The following GALNT2 variants were observed in gnomAD, a reference collection of about 807,000 sequenced individuals.
The protein encoded by GALNT2 is polypeptide N-acetylgalactosaminyltransferase 2.
Under a neutral mutation model 81.4 loss-of-function variants are expected in GALNT2, and 31 were observed. The ratio of observed to expected loss-of-function variants is 0.38; its 90% CI spans 0.29 to 0.51. GALNT2 has a LOEUF of 0.51. GALNT2 is among the 20% of genes least tolerant of loss of function. The pLI is 0.87. For missense variants in GALNT2, 629 were observed against 765.7 expected, an observed-to-expected ratio of 0.82 and a Z score of 2.11; for synonymous variants, 303 against 287.4, an observed-to-expected ratio of 1.05 and a Z score of -0.55.
intron 1 of GALNT2, among the ~76,000 whole-genome samples, chr1:230,079,466 T>C (rs886627979): frequency 2.1e-4 from 32 of 152,348 alleles, no homozygotes; most frequent in African/African-American, 6.0e-4. Context: ...AGTAGCAAAG[T>C]TGGGACTAGA....
upstream of GALNT2, chr1:230,067,173 C>T (rs1659214120): frequency 3.5e-6 from 2 of 574,108 alleles, no homozygotes; most frequent in Non-Finnish European, 2.4e-6. Context: ...GAGCCGCCGC[C>T]GCGCCCTTCC....
At chr1:230,236,577 A>G in intron 5 of GALNT2, 83 bp from the exon 6 acceptor site, 1 of 1,455,764 alleles carries the variant, frequency 6.9e-7, no homozygotes, top group Middle Eastern at 1.8e-4. Context: ...ATCGGCCCTT[A>G]GATGATTGAG....
intron 1 of GALNT2, among the ~76,000 whole-genome samples, chr1:230,105,125 A>G (rs949800452): frequency 6.6e-6 from 1 of 152,216 alleles, no homozygotes; most frequent in Non-Finnish European, 1.5e-5. Context: ...CCATTCTGCT[A>G]TTTAGCCAGC....
chr1:230,068,160 C>G (rs1490620320), intron 1 of GALNT2, among the ~76,000 whole-genome samples: 1 of 152,274 alleles, frequency 6.6e-6, no homozygotes, highest in African/African-American at 2.4e-5. Flanking sequence ...GAGAATCCCT[C>G]TTCTGTGGCT....
At chr1:230,106,344 G>A (rs1030177214) in intron 1 of GALNT2, among the ~76,000 whole-genome samples, 3 of 152,328 alleles carry the variant, frequency 2.0e-5, no homozygotes, top group African/African-American at 7.2e-5. Context: ...CTTAGTGCCT[G>A]CTTCCAGGAG....
chr1:230,192,794 G>GT (rs1663571479), intron 2 of GALNT2, among the ~76,000 whole-genome samples: 3 of 151,936 alleles, frequency 2.0e-5, no homozygotes, highest in Admixed American at 2.0e-4. Context: ...GGATTTCCTG[G>GT]TTTTTTTGTC....
chr1:230,185,528 C>T (rs986323702), intron 2 of GALNT2, among the ~76,000 whole-genome samples: 3 of 152,002 alleles, frequency 2.0e-5, no homozygotes, highest in African/African-American at 7.3e-5. Context: ...CTCAGCTTCC[C>T]CCTCTCCACA....
chr1:230,224,204 C>G (rs1008096462), intron 3 of GALNT2, among the ~76,000 whole-genome samples: 3 of 152,116 alleles, frequency 2.0e-5, no homozygotes, highest in African/African-American at 7.2e-5. Flanking sequence ...GCCACTTGTC[C>G]CAGGGGAGTA....
At chr1:230,179,544 A>C (rs1663093437) in intron 2 of GALNT2, among the ~76,000 whole-genome samples, 1 of 152,150 alleles carries the variant, frequency 6.6e-6, no homozygotes, top group African/African-American at 2.4e-5. Context: ...CCAATTCTCT[A>C]ATGACATATG....
intron 1 of GALNT2, among the ~76,000 whole-genome samples, chr1:230,108,956 C>T (rs2102786948): frequency 6.6e-6 from 1 of 152,292 alleles, no homozygotes; most frequent in East Asian, 1.9e-4. Context: ...TAAGTCGAGC[C>T]ATGGTAAGTT....
Position 230,113,783 on chromosome 1 carries a change from T to G in GALNT2, c.126+46377T>G, listed in dbSNP as rs534825937. On this transcript the variant is annotated intron_variant, in intron 1 of 15. Coordinates refer to ENST00000366672, the MANE Select transcript of GALNT2 (RefSeq NM_004481.5). ...CCTGATCAGATAAAAGAGGTCATGA[T>G]CTCTGTGAAGGTCTTTTCGGGGAAG... Among the ~76,000 whole-genome samples, 119 of 152,218 alleles carry G rather than the reference T, an allele frequency of 7.8e-4. 1 individual carries two copies. Among genetic ancestry groups the G allele is most frequent in the African/African-American group, 2.9e-3 (119 of 41,532 alleles).
At chr1:230,097,018 C>G (rs1326398718) in intron 1 of GALNT2, among the ~76,000 whole-genome samples, 1 of 152,154 alleles carries the variant, frequency 6.6e-6, no homozygotes, top group Non-Finnish European at 1.5e-5. Flanking sequence ...CTGTCCAAAG[C>G]TACAACTGTG....
At chr1:230,272,686 G>A (rs1666186995) in intron 14 of GALNT2, among the ~76,000 whole-genome samples, 1 of 152,168 alleles carries the variant, frequency 6.6e-6, no homozygotes, top group Non-Finnish European at 1.5e-5. Context: ...GCTGAGAGCT[G>A]GAGATGGTGC....
At chr1:230,124,303 T>C (rs1661108577) in intron 1 of GALNT2, among the ~76,000 whole-genome samples, 1 of 152,154 alleles carries the variant, frequency 6.6e-6, no homozygotes, top group Non-Finnish European at 1.5e-5. Context: ...TTCTTAAGCA[T>C]GTTGTGTGCT....
rs1470737413 is a variant in GALNT2, at chr1:230,146,248, C to G, written c.127-31970C>G. Among the ~76,000 whole-genome samples, 3 of 152,240 alleles carry G rather than the reference C, an allele frequency of 2.0e-5. No homozygotes were observed. The East Asian group carries it at 5.8e-4, about 29-fold the overall frequency. On this transcript the variant is annotated intron_variant, in intron 1 of 15. Transcript: ENST00000366672. ...CTTTTCATGTATCTCGTTAGGGAGC[C>G]CTGGAGGAGGAAGCTTTGGGAGGAG... is the stretch of plus-strand genomic sequence containing the variant.
In GALNT2 at chr1:230,067,309, G is replaced by A. The variant is rs1469154148; in HGVS notation, c.29G>A (p.Cys10Tyr). The A allele has an allele frequency of 7.2e-7, 1 of 1,381,444 alleles. No individual in the cohort carries two copies. The highest frequency in any genetic ancestry group is 9.5e-7 in the Non-Finnish European group (1 of 1,054,098). 85.6% of individuals were successfully genotyped at this position (1,381,444 alleles called of 1,614,324 possible). MRRRSRMLL[C>Y]FAFLWVLGIA... ...CGGCGGCGCTCGCGGATGCTGCTCT[G>A]CTTCGCCTTCCTGTGGGTGCTGGGC... The change falls in exon 1 of 16, where the codon TGC becomes TAC. Residue 10 changes from cysteine to tyrosine, a missense_variant. By Grantham distance (194) the Cys-to-Tyr change is radical. Around this residue, in one of 3 missense-constraint regions of GALNT2, gnomAD observed 62 missense variants for 47.3 expected, o/e 1.31. Transcript: ENST00000366672.
At chr1:230,259,234 A>T (rs1453595254) in intron 11 of GALNT2, 1 of 152,206 alleles carries the variant, frequency 6.6e-6, no homozygotes, top group Non-Finnish European at 1.5e-5. Flanking sequence ...CTTTTTCAGG[A>T]TATGGAATAT....
intron 3 of GALNT2, among the ~76,000 whole-genome samples, chr1:230,217,384 A>G (rs1368636456): frequency 3.9e-5 from 6 of 152,186 alleles, no homozygotes; most frequent in Non-Finnish European, 8.8e-5. Context: ...CAAAGGCCCC[A>G]AAGAGGTAGT....
At chr1:230,186,572 A>G (rs566215023) in intron 2 of GALNT2, among the ~76,000 whole-genome samples, 1 of 152,332 alleles carries the variant, frequency 6.6e-6, no homozygotes, top group Admixed American at 6.5e-5. Context: ...ATTATCTTCT[A>G]TTAAAAACAT....
Sources: gnomAD v4.1 joint callset for allele counts (sites outside exome capture counted in the v4.1 genomes callset) on GRCh38, gnomAD v4.1.1 for gene constraint, gnomAD v4.1.1 regional missense constraint, MANE v1.5 for transcripts, NCBI Gene and HGNC (gene_info 2026-07-23, HGNC 2026-07-21) for gene names.